The following SMIM21 variants were observed in gnomAD, a reference collection of about 807,000 sequenced individuals.
The protein encoded by SMIM21 is small integral membrane protein 21, also known as chromosome 18 open reading frame 62.
In SMIM21, 8 loss-of-function variants were observed where a neutral mutation model predicts 8.6. The observed-to-expected ratio is 0.93, with a 90% CI of 0.55 to 1.68. The LOEUF is 1.68. SMIM21 is among the 40% of genes most tolerant of loss of function. SMIM21 has a pLI of 0.00. For synonymous variants in SMIM21, 43 were observed against 41.7 expected (o/e 1.03, Z -0.12); for missense variants, 132 against 123.0 (o/e 1.07, Z -0.35).
chr18:75,410,662 A>G lies in SMIM21; in HGVS notation c.*202T>C. The G allele has an allele frequency of 1.5e-6, 2 of 1,367,458 alleles. No homozygotes were observed. Among genetic ancestry groups the G allele is most frequent in the South Asian group, 1.8e-5 (1 of 55,006 alleles). The allele number at this position is 1,367,458 out of a possible 1,614,324, so 84.7% of individuals were successfully genotyped here. ...TCCTCCGGAATATTCCTGAACAGAAAAAGGAAGAGTGCCCCTCAAGAACAA... is the reference window on the plus strand; with the variant it reads ...TCCTCCGGAATATTCCTGAACAGAAGAAGGAAGAGTGCCCCTCAAGAACAA... On this transcript the variant is annotated 3_prime_UTR_variant, in exon 3 of 3. Coordinates refer to ENST00000579022, the MANE Select transcript of SMIM21 (RefSeq NM_001037331.3).
chr18:75,418,902 G>A lies in SMIM21; in HGVS notation c.144C>T (p.His48=), dbSNP rs1290392037. The change falls in exon 2 of 3, where the codon CAC becomes CAT. Residue 48 remains histidine, a synonymous_variant. Transcript: ENST00000579022. ...CCAACAATGTGAAGAAACGAATATGGTGTTCATTTTCAAACTGAAAAAGGA... is the reference window on the plus strand; with the variant it reads ...CCAACAATGTGAAGAAACGAATATGATGTTCATTTTCAAACTGAAAAAGGA... ...KKALTTFENE[H]HIRFFTLLVL... is the part of the protein sequence containing the mutation. 3 of 1,599,612 alleles carry A rather than the reference G, an allele frequency of 1.9e-6. No homozygotes were observed. Among genetic ancestry groups the A allele is most frequent in the African/African-American group, 2.7e-5 (2 of 74,594 alleles).
At position 75,410,920 on chromosome 18, in the gene SMIM21, C is replaced by T. The variant is rs2024576928; in HGVS notation, c.261-11G>A. 1.9e-6 allele frequency: 3 copies of T among 1,613,360 alleles called. No homozygotes were observed. The African/African-American group carries it at 4.0e-5, about 22-fold the overall frequency. On this transcript the variant is annotated splice_polypyrimidine_tract_variant and intron_variant, in intron 2 of 2. Coordinates refer to ENST00000579022, the MANE Select transcript of SMIM21 (RefSeq NM_001037331.3). ...TTCAAACGTAGAAAGCTGCAAGAGACAAAAGGGGGAAAAAGCATTTTATTT... is the reference window on the plus strand; with the variant it reads ...TTCAAACGTAGAAAGCTGCAAGAGATAAAAGGGGGAAAAAGCATTTTATTT...
chr18:75,422,469 C>A (rs1299042053), intron 1 of SMIM21, among the ~76,000 whole-genome samples: 1 of 151,938 alleles, frequency 6.6e-6, no homozygotes, highest in East Asian at 1.9e-4. Context: ...TAGAGATATA[C>A]CCAAGAGAAG....
chr18:75,419,284 A>G (rs2024684776), intron 1 of SMIM21, among the ~76,000 whole-genome samples: 1 of 152,194 alleles, frequency 6.6e-6, no homozygotes, highest in Non-Finnish European at 1.5e-5. Flanking sequence ...GTAAAAGCCC[A>G]GTGAGTTATC....
chr18:75,416,979 A>G (rs1265544573), intron 2 of SMIM21: 2 of 152,214 alleles, frequency 1.3e-5, no homozygotes, highest in African/African-American at 4.8e-5. Context: ...CTGAACACAG[A>G]GCTTCCTTTA....
In SMIM21 at chr18:75,423,037, T is replaced by C. The variant is rs2024725956; in HGVS notation, c.130-4121A>G. ...TTGAGAATTCAGTAAAAGACTTGAG[T>C]TCTCACTAATTGAGCTCAATAAGTT... On this transcript the variant is annotated intron_variant, in intron 1 of 2. Coordinates refer to ENST00000579022, the MANE Select transcript of SMIM21 (RefSeq NM_001037331.3). 2.6e-5 allele frequency among the ~76,000 whole-genome samples: 4 copies of C among 152,226 alleles called. No homozygotes were observed. In the South Asian group the frequency reaches 8.3e-4, roughly 32 times the overall value.
rs1199724006 is a variant in SMIM21, at chr18:75,427,500, G to A, written c.64C>T (p.Gln22Ter). Reference protein sequence around the residue: ...FPIAQLGTFKQDSAGMGRIFK... With the variant: ...FPIAQLGTFK ...ATCCGTCCCATTCCTGCAGAGTCTT[G>A]TTTAAATGTTCCCAGCTGTGCTATA... is the stretch of plus-strand genomic sequence containing the variant. The change falls in exon 1 of 3, where the codon CAA (glutamine) becomes TAA (stop). Residue 22 changes from glutamine to a stop codon, truncating the protein, a stop_gained. Coordinates refer to ENST00000579022, the MANE Select transcript of SMIM21 (RefSeq NM_001037331.3). LOFTEE classifies it high-confidence loss of function. 3.7e-6 allele frequency: 6 copies of A among 1,614,034 alleles called. No homozygotes were observed. The highest frequency in any genetic ancestry group is 5.1e-6 in the Non-Finnish European group (6 of 1,179,960).
At chr18:75,422,902 T>C (rs2144558527) in intron 1 of SMIM21, among the ~76,000 whole-genome samples, 1 of 152,302 alleles carries the variant, frequency 6.6e-6, no homozygotes, top group South Asian at 2.1e-4. Context: ...ATTCTGTGAG[T>C]ATATTAAAAA....
chr18:75,424,127 A>G (rs2024737061), intron 1 of SMIM21, among the ~76,000 whole-genome samples: 1 of 152,256 alleles, frequency 6.6e-6, no homozygotes, highest in Non-Finnish European at 1.5e-5. Flanking sequence ...CTATTCAGTT[A>G]TGACTTCTCT....
intron 2 of SMIM21, chr18:75,417,588 T>G (rs993400836): frequency 6.6e-6 from 1 of 152,160 alleles, no homozygotes; most frequent in African/African-American, 2.4e-5. Flanking sequence ...GTATTCAAAC[T>G]GAAAATAAAA....
At chr18:75,411,963 A>G (rs2144543027) in intron 2 of SMIM21, among the ~76,000 whole-genome samples, 1 of 152,360 alleles carries the variant, frequency 6.6e-6, no homozygotes, top group East Asian at 1.9e-4. Context: ...TAGAACAGAT[A>G]TTAATAAATC....
chr18:75,414,597 T>C (rs912701474), intron 2 of SMIM21, among the ~76,000 whole-genome samples: 4 of 152,202 alleles, frequency 2.6e-5, no homozygotes, highest in African/African-American at 9.7e-5. Context: ...GGAGAATGTA[T>C]TCAGTTGCCT....
At chr18:75,425,393 C>T (rs148171993) in intron 1 of SMIM21, among the ~76,000 whole-genome samples, 22 of 152,260 alleles carry the variant, frequency 1.4e-4, no homozygotes, top group African/African-American at 5.3e-4. Flanking sequence ...AAAAAAAGTC[C>T]CATTCCACTG....
chr18:75,422,085 C>A (rs983275324), intron 1 of SMIM21, among the ~76,000 whole-genome samples: 2 of 152,128 alleles, frequency 1.3e-5, no homozygotes, highest in African/African-American at 2.4e-5. Flanking sequence ...GGCTTGACCC[C>A]CAGTAGTCCA....
chr18:75,418,984 GCTAA>G, intron 1 of SMIM21, 68 bp from the exon 2 acceptor site: 1 of 934,472 alleles, frequency 1.1e-6, no homozygotes, highest in Non-Finnish European at 1.6e-6. Flanking sequence ...GCTACAAGCA[GCTAA>G]CTCTTTGTCA....
chr18:75,418,000 G>C, intron 2 of SMIM21: 1 of 387,934 alleles, frequency 2.6e-6, no homozygotes, highest in East Asian at 3.6e-5. Flanking sequence ...TTGTTTGCTT[G>C]TTTCAGTTTT....
At position 75,418,803 on chromosome 18, in the gene SMIM21, G is replaced by A. The variant is rs772090054; in HGVS notation, c.243C>T (p.Ala81=). Residue 81 remains alanine (A), a synonymous_variant, in exon 2 of 3, where the codon GCC becomes GCT. Coordinates refer to ENST00000579022, the MANE Select transcript of SMIM21 (RefSeq NM_001037331.3). ...IQGVSEDWKR[A]NSIFRNFLRL... ...TTACCTACTTTCGAAATATGCTGTT[G>A]GCCCTTTTCCAGTCTTCAGAAACCC... 1.2e-6 allele frequency: 2 copies of A among 1,609,384 alleles called. No homozygotes were observed. Among genetic ancestry groups the A allele is most frequent in the South Asian group, 1.1e-5 (1 of 90,302 alleles).
chr18:75,420,408 G>A (rs991007231), intron 1 of SMIM21, among the ~76,000 whole-genome samples: 38 of 152,054 alleles, frequency 2.5e-4, no homozygotes, highest in Non-Finnish European at 4.4e-5. Context: ...CAAAATCAGG[G>A]TCTCTGTCTC....
intron 1 of SMIM21, among the ~76,000 whole-genome samples, chr18:75,423,926 A>C (rs746251044): frequency 6.6e-6 from 1 of 152,218 alleles, no homozygotes; most frequent in Non-Finnish European, 1.5e-5. Context: ...CGTTTTTGGA[A>C]TGGAGGCAGA....
Sources: allele counts gnomAD v4.1 joint callset (sites outside exome capture counted in the v4.1 genomes callset), GRCh38; gene constraint gnomAD v4.1.1; transcripts MANE v1.5; gene names NCBI Gene and HGNC (gene_info 2026-07-23, HGNC 2026-07-21).